ALK: variants seen among roughly 807,000 people sequenced by gnomAD.
ALK encodes ALK tyrosine kinase receptor.
ALK carries 74 observed loss-of-function variants against 163.1 expected under a neutral mutation model. The ratio of observed to expected loss-of-function variants is 0.45; its 90% confidence interval spans 0.38 to 0.55. ALK has a LOEUF of 0.55. Ranked by LOEUF, ALK falls within the 20% of genes least tolerant of loss-of-function variation. The pLI, the probability that ALK is intolerant of heterozygous loss-of-function variation, is 0.00. For synonymous variants in ALK, 960 were observed against 843.2 expected, an observed-to-expected ratio of 1.14 and a Z score of -2.40; for missense variants, 2,063 against 2,105.3, an observed-to-expected ratio of 0.98 and a Z score of 0.39.
intron 5 of ALK, among the ~76,000 whole-genome samples, chr2:29,361,974 G>A (rs1668398398): frequency 6.6e-6 from 1 of 152,114 alleles, no homozygotes; most frequent in Admixed American, 6.6e-5. Flanking sequence ...CTCTGACCCT[G>A]CCCCAAGTAA....
chr2:29,777,488 C>CTAGG (rs1399642605), intron 1 of ALK, among the ~76,000 whole-genome samples: 1 of 152,138 alleles, frequency 6.6e-6, no homozygotes, highest in Non-Finnish European at 1.5e-5. Context: ...TTGCTTATTG[C>CTAGG]TAGGTACCTA....
chr2:29,695,740 T>C (rs532603360), intron 2 of ALK, among the ~76,000 whole-genome samples: 3 of 152,258 alleles, frequency 2.0e-5, no homozygotes, highest in South Asian at 2.1e-4. Context: ...AAGACAGTTA[T>C]GTGGCCAACA....
At chr2:29,718,407 C>T (rs1052808595) in intron 1 of ALK, among the ~76,000 whole-genome samples, 3 of 152,234 alleles carry the variant, frequency 2.0e-5, no homozygotes, top group African/African-American at 4.8e-5. Context: ...TGATCATGCA[C>T]TGCCTGATCT....
At chr2:29,401,086 T>C (rs887393914) in intron 4 of ALK, among the ~76,000 whole-genome samples, 9 of 152,166 alleles carry the variant, frequency 5.9e-5, no homozygotes, top group African/African-American at 2.2e-4. Flanking sequence ...TGTCATCAGA[T>C]ACAAAGCACT....
intron 1 of ALK, among the ~76,000 whole-genome samples, chr2:29,844,392 A>T (rs1665786190): frequency 6.6e-6 from 1 of 152,162 alleles, no homozygotes; most frequent in African/African-American, 2.4e-5. Context: ...ATTTTACCTT[A>T]TCCTAAGAGC....
chr2:29,421,016 CCT>C (rs1328227353), intron 4 of ALK, among the ~76,000 whole-genome samples: 2 of 151,522 alleles, frequency 1.3e-5, no homozygotes, highest in African/African-American at 4.9e-5. Context: ...TGGCTCTTGA[CCT>C]CTCTGTCTCC....
intron 1 of ALK, among the ~76,000 whole-genome samples, chr2:29,806,423 C>G (rs1217247016): frequency 6.6e-6 from 1 of 152,016 alleles, no homozygotes; most frequent in African/African-American, 2.4e-5. Context: ...TAGGAACACC[C>G]CCCAAAATGA....
chr2:29,564,627 A>G (rs1003057725), intron 3 of ALK, among the ~76,000 whole-genome samples: 8 of 152,226 alleles, frequency 5.3e-5, no homozygotes, highest in Non-Finnish European at 8.8e-5. Flanking sequence ...TCTTAAAAAT[A>G]GAAATGATAA....
At chr2:29,406,470 C>G (rs1048569825) in intron 4 of ALK, among the ~76,000 whole-genome samples, 1 of 152,192 alleles carries the variant, frequency 6.6e-6, no homozygotes, top group African/African-American at 2.4e-5. Flanking sequence ...ACAGGTTCCT[C>G]TTAGGCTCAG....
At chr2:29,450,741 T>C (rs11127225) in intron 4 of ALK, among the ~76,000 whole-genome samples, 87,080 of 152,020 alleles carry the variant, frequency 0.57, 25,161 homozygotes, top group East Asian at 0.68. Flanking sequence ...TGCAGGACTA[T>C]GGCCTATAAA....
intron 4 of ALK, among the ~76,000 whole-genome samples, chr2:29,406,421 G>T (rs896604196): frequency 6.6e-6 from 1 of 152,198 alleles, no homozygotes; most frequent in Non-Finnish European, 1.5e-5. Flanking sequence ...GCTATGAGCT[G>T]AGATATTCCC....
At chr2:29,674,391 T>C (rs904755713) in intron 3 of ALK, among the ~76,000 whole-genome samples, 3 of 151,786 alleles carry the variant, frequency 2.0e-5, no homozygotes, top group African/African-American at 4.8e-5. Flanking sequence ...TGAAGGGTTG[T>C]TGAATTTTGT....
chr2:29,506,135 C>CGAGAGATAGTTTTCTGGTG (rs1236074325), intron 4 of ALK, among the ~76,000 whole-genome samples: 1 of 152,124 alleles, frequency 6.6e-6, no homozygotes, highest in African/African-American at 2.4e-5. Flanking sequence ...TAAGTCTCTG[C>CGAGAGATAGTTTTCTGGTG]GAGAGATAGT....
At chr2:29,524,448 C>G (rs542109758) in intron 4 of ALK, among the ~76,000 whole-genome samples, 2 of 152,308 alleles carry the variant, frequency 1.3e-5, no homozygotes, top group South Asian at 4.1e-4. Context: ...GAAATGGACC[C>G]AGAAGATCTG....
intron 13 of ALK, among the ~76,000 whole-genome samples, chr2:29,238,602 C>G (rs756987386): frequency 6.6e-6 from 1 of 152,110 alleles, no homozygotes; most frequent in African/African-American, 2.4e-5. Flanking sequence ...GCCTGACAAC[C>G]GCCATTTTTC....
rs1669861611 is a variant in ALK at position 29,223,406 on chromosome 2, C to T, written c.3295G>A (p.Ala1099Thr). ...TCACTGATGGAGGAGGTCTTGCCAGCAAAGCAGTAGTTGGGGTTGTAGTCG... is the reference window on the plus strand; with the variant it reads ...TCACTGATGGAGGAGGTCTTGCCAGTAAAGCAGTAGTTGGGGTTGTAGTCG... Reference protein sequence around the residue: ...MTDYNPNYCFAGKTSSISDLK... With the variant: ...MTDYNPNYCFTGKTSSISDLK... Residue 1099 changes from alanine (A) to threonine (T), a missense_variant, in exon 20 of 29, where the codon GCT becomes ACT. Ala to Thr is a moderately conservative substitution (Grantham distance 58). Around this residue, in one of 5 missense-constraint regions of ALK, gnomAD observed 575 missense variants for 626.6 expected, o/e 0.92. Coordinates refer to ENST00000389048, the MANE Select transcript of ALK (RefSeq NM_004304.5). The T allele has an allele frequency of 3.1e-6, 5 of 1,614,158 alleles. No individual in the cohort carries two copies. The East Asian group carries it at 8.9e-5, about 29-fold the overall frequency.
intron 4 of ALK, among the ~76,000 whole-genome samples, chr2:29,416,979 C>CCTTTTTTT (rs1177704836): frequency 2.3e-4 from 18 of 77,672 alleles, no homozygotes; most frequent in African/African-American, 9.4e-4. Flanking sequence ...ATGTTTGATG[C>CCTTTTTTT]TTTTTTTTTT....
At chr2:29,437,172 C>A (rs1241649400) in intron 4 of ALK, among the ~76,000 whole-genome samples, 2 of 152,120 alleles carry the variant, frequency 1.3e-5, no homozygotes, top group Admixed American at 1.3e-4. Flanking sequence ...CACTCTACAG[C>A]CTCCCAACTT....
intron 3 of ALK, among the ~76,000 whole-genome samples, chr2:29,585,408 C>T (rs1469092444): frequency 6.6e-6 from 1 of 152,162 alleles, no homozygotes; most frequent in African/African-American, 2.4e-5. Flanking sequence ...CTCACCACAA[C>T]CTCCACCTCC....
Sources: gnomAD v4.1 joint callset for allele counts (sites outside exome capture counted in the v4.1 genomes callset) on GRCh38, gnomAD v4.1.1 for gene constraint, gnomAD v4.1.1 regional missense constraint, MANE v1.5 for transcripts, NCBI Gene and HGNC (gene_info 2026-07-23, HGNC 2026-07-21) for gene names.